Variants in SMIM35 observed in about 807,000 individuals in gnomAD.
The protein encoded by SMIM35 is small integral membrane protein 35, also known as TMPRSS4 antisense RNA 1 (non-protein coding).
At chr11:118,019,073 A>T (rs2058205722) in intron 1 of SMIM35, among the ~76,000 whole-genome samples, 1 of 152,038 alleles carries the variant, frequency 6.6e-6, no homozygotes, top group African/African-American at 2.4e-5. Context: ...TCTGCTGTAC[A>T]CCTTTTTTAT....
At chr11:118,063,960 T>C (rs1944430287) in intron 1 of SMIM35, among the ~76,000 whole-genome samples, 1 of 152,168 alleles carries the variant, frequency 6.6e-6, no homozygotes, top group South Asian at 2.1e-4. Flanking sequence ...ATGAGGGAGT[T>C]GTGGGAACCC....
intron 1 of SMIM35, among the ~76,000 whole-genome samples, chr11:118,048,590 G>GAAGGAAGGAAGGAAGGAAGGAAGC: frequency 9.6e-6 from 1 of 103,704 alleles, no homozygotes; most frequent in African/African-American, 3.4e-5. Flanking sequence ...AGGAAGGAAG[G>GAAGGAAGGAAGGAAGGAAGGAAGC]AAGGAAGCAA....
chr11:118,029,580 C>A, intron 1 of SMIM35: 2 of 453,240 alleles, frequency 4.4e-6, no homozygotes, highest in South Asian at 3.1e-5. Flanking sequence ...AGGGGACTTA[C>A]CCCCTGTCTG....
intron 1 of SMIM35, among the ~76,000 whole-genome samples, chr11:118,083,953 G>A (rs1054878660): frequency 1.3e-5 from 2 of 152,068 alleles, no homozygotes; most frequent in Admixed American, 6.6e-5. Context: ...CAGGAGAATC[G>A]CTTTTACCTG....
chr11:118,020,573 A>G (rs2058220133), intron 1 of SMIM35, among the ~76,000 whole-genome samples: 1 of 152,148 alleles, frequency 6.6e-6, no homozygotes, highest in Non-Finnish European at 1.5e-5. Flanking sequence ...ATGTTTTATA[A>G]TTTGTCCCTT....
intron 1 of SMIM35, among the ~76,000 whole-genome samples, chr11:118,050,383 C>A (rs145617308): frequency 6.6e-6 from 1 of 152,352 alleles, no homozygotes; most frequent in East Asian, 1.9e-4. Context: ...CCTGCCCAGA[C>A]AAAGCCAAGT....
chr11:118,049,082 G>A (rs1397261372), intron 1 of SMIM35, among the ~76,000 whole-genome samples: 2 of 151,964 alleles, frequency 1.3e-5, no homozygotes, highest in Non-Finnish European at 2.9e-5. Flanking sequence ...CATTGCCAGC[G>A]TGAGCTTTAG....
At chr11:118,059,438 G>C (rs921740280) in intron 1 of SMIM35, 3 of 152,228 alleles carry the variant, frequency 2.0e-5, no homozygotes, top group Non-Finnish European at 4.4e-5. Context: ...AGGGGTCTGG[G>C]CTCTGCCACT....
At chr11:118,052,347 C>T (rs907021163) in intron 1 of SMIM35, among the ~76,000 whole-genome samples, 14 of 152,088 alleles carry the variant, frequency 9.2e-5, no homozygotes, top group African/African-American at 2.9e-4. Context: ...TTGCTGCAAG[C>T]GGGGAGCTGC....
intron 1 of SMIM35, among the ~76,000 whole-genome samples, chr11:118,044,927 A>C (rs1944073694): frequency 6.6e-6 from 1 of 152,140 alleles, no homozygotes; most frequent in Non-Finnish European, 1.5e-5. Context: ...TTAAAACAAA[A>C]CAAAACAAAA....
chr11:118,030,497 A>G (rs80020178), intron 1 of SMIM35, among the ~76,000 whole-genome samples: 1,936 of 152,304 alleles, frequency 0.013, 35 homozygotes, highest in African/African-American at 0.045. Flanking sequence ...ACATTTTCAA[A>G]TATAAAAGAA....
intron 1 of SMIM35, among the ~76,000 whole-genome samples, chr11:118,031,583 C>T (rs1021301703): frequency 5.3e-5 from 8 of 151,672 alleles, no homozygotes; most frequent in African/African-American, 1.5e-4. Context: ...TAAGTGATGG[C>T]GGGAACAACC....
intron 1 of SMIM35, among the ~76,000 whole-genome samples, chr11:118,029,237 G>T (rs966739249): frequency 2.0e-5 from 3 of 152,126 alleles, no homozygotes; most frequent in Non-Finnish European, 2.9e-5. Flanking sequence ...CGAGGCAGGC[G>T]GATTACTTGA....
chr11:118,053,020 T>C (rs752744928), intron 1 of SMIM35, among the ~76,000 whole-genome samples: 18 of 152,044 alleles, frequency 1.2e-4, no homozygotes, highest in Non-Finnish European at 2.4e-4. Flanking sequence ...GCCTACTAGC[T>C]CACAGCCGGG....
rs2058115885 is a variant in SMIM35, at chr11:118,005,368, C to G, written c.*1042G>C. 6.6e-6 allele frequency: 1 copy of G among 152,256 alleles called. No homozygotes were observed. The highest frequency in any genetic ancestry group is 2.4e-5 in the African/African-American group (1 of 41,442). 9.4% of individuals were successfully genotyped at this position (152,256 alleles called of 1,614,324 possible). On this transcript the variant is annotated 3_prime_UTR_variant, in exon 5 of 5. Coordinates refer to ENST00000689828, the MANE Select transcript of SMIM35 (RefSeq NM_001394165.1). Reference sequence around the variant, plus strand: ...TTAAAATCAGTCCTTTTTCTCCTCACTGCCCCCTACTTGTTATCACCCAGT... The same window carrying G: ...TTAAAATCAGTCCTTTTTCTCCTCAGTGCCCCCTACTTGTTATCACCCAGT...
At chr11:118,032,660 C>A (rs1565385708) in intron 1 of SMIM35, among the ~76,000 whole-genome samples, 1 of 151,972 alleles carries the variant, frequency 6.6e-6, no homozygotes, top group Admixed American at 6.6e-5. Context: ...GTAATCCCAG[C>A]CTTTGAGAGG....
chr11:118,021,650 G>A (rs901030117), intron 1 of SMIM35, among the ~76,000 whole-genome samples: 2 of 151,992 alleles, frequency 1.3e-5, no homozygotes, highest in Non-Finnish European at 2.9e-5. Flanking sequence ...TGGCTCTGTG[G>A]ATATCAGACA....
intron 1 of SMIM35, among the ~76,000 whole-genome samples, chr11:118,016,488 C>T (rs1300042758): frequency 1.3e-5 from 2 of 152,110 alleles, no homozygotes; most frequent in Non-Finnish European, 2.9e-5. Context: ...TCTGCCGGGG[C>T]AGGGAATCAG....
Position 118,048,946 on chromosome 11 carries a change from C to CA in SMIM35, c.8-33138dup, listed in dbSNP as rs57261529. Among the ~76,000 whole-genome samples, 175 of 60,456 alleles carry CA rather than the reference C, an allele frequency of 2.9e-3. 11 individuals carry two copies. Among genetic ancestry groups the CA allele is most frequent in the Middle Eastern group, 8.8e-3 (1 of 114 alleles). The allele number at this position is 60,456 out of a possible 152,430, so 39.7% of individuals were successfully genotyped here. On this transcript the variant is annotated intron_variant, in intron 1 of 4. Transcript: ENST00000689828. ...GCCTATCGCCTAGGCTGAAGAGCTG[C>CA]AAAAAAAAAAAAAAAAAAGCAAGTG...
Sources: allele counts gnomAD v4.1 joint callset (sites outside exome capture counted in the v4.1 genomes callset), GRCh38; gene constraint gnomAD v4.1.1; transcripts MANE v1.5; gene names NCBI Gene and HGNC (gene_info 2026-07-23, HGNC 2026-07-21).